Variants in ASAP1 observed in about 807,000 individuals in gnomAD.
ASAP1 encodes the protein arf-GAP with SH3 domain, ANK repeat and PH domain-containing protein 1.
A neutral mutation model predicts 145.2 loss-of-function variants in ASAP1; 43 were observed. The observed-to-expected ratio is 0.30, with a 90% confidence interval of 0.23 to 0.38. ASAP1 has a LOEUF of 0.38. Ranked by LOEUF, ASAP1 falls within the 10% of genes least tolerant of loss-of-function variation. The pLI is 1.00. For synonymous variants in ASAP1, 546 were observed against 515.5 expected (o/e 1.06, Z -0.80); for missense variants, 1,018 against 1,355.3 (o/e 0.75, Z 3.91).
At chr8:130,221,355 T>G (rs1237730015) in intron 4 of ASAP1, among the ~76,000 whole-genome samples, 1 of 152,176 alleles carries the variant, frequency 6.6e-6, no homozygotes, top group Admixed American at 6.5e-5. Context: ...AATCTCCCTT[T>G]GTGAAAGTGT....
At chr8:130,342,102 G>A (rs1241009834) in intron 3 of ASAP1, among the ~76,000 whole-genome samples, 2 of 152,078 alleles carry the variant, frequency 1.3e-5, no homozygotes, top group Non-Finnish European at 1.5e-5. Context: ...GGAAAGTGTC[G>A]GTCCTGAGCC....
chr8:130,330,586 C>T (rs557738639), intron 3 of ASAP1, among the ~76,000 whole-genome samples: 5 of 152,362 alleles, frequency 3.3e-5, no homozygotes, highest in African/African-American at 1.2e-4. Flanking sequence ...ATGGCAGAAT[C>T]ATGTTAAACT....
At chr8:130,075,262 C>T (rs1317213521) in intron 27 of ASAP1, among the ~76,000 whole-genome samples, 2 of 152,256 alleles carry the variant, frequency 1.3e-5, no homozygotes, top group East Asian at 1.9e-4. Flanking sequence ...CTCAGCAAAC[C>T]CAGGGGAAGT....
intron 3 of ASAP1, among the ~76,000 whole-genome samples, chr8:130,330,543 C>G (rs1450806917): frequency 6.6e-6 from 1 of 152,238 alleles, no homozygotes; most frequent in African/African-American, 2.4e-5. Flanking sequence ...CCTCAGTCAT[C>G]TACCAAAAAC....
intron 4 of ASAP1, among the ~76,000 whole-genome samples, chr8:130,228,813 A>AT (rs920756162): frequency 4.0e-5 from 6 of 151,454 alleles, no homozygotes; most frequent in Non-Finnish European, 5.9e-5. Flanking sequence ...AGTGGCTATT[A>AT]TTTTTTTTTC....
chr8:130,380,902 T>G (rs997060487), intron 2 of ASAP1, among the ~76,000 whole-genome samples: 11 of 152,018 alleles, frequency 7.2e-5, no homozygotes, highest in African/African-American at 2.4e-4. Flanking sequence ...ATTTATTTAT[T>G]GAGACAGGGT....
At chr8:130,257,839 C>T (rs1443506635) in intron 3 of ASAP1, among the ~76,000 whole-genome samples, 1 of 143,902 alleles carries the variant, frequency 6.9e-6, no homozygotes, top group Non-Finnish European at 1.5e-5. Context: ...AGTAGTTCTC[C>T]ATGTAACATG....
chr8:130,279,867 C>T (rs532219607), intron 3 of ASAP1, among the ~76,000 whole-genome samples: 19 of 152,292 alleles, frequency 1.2e-4, no homozygotes, highest in African/African-American at 4.6e-4. Flanking sequence ...TATTTACAAC[C>T]TTTTGCCTCT....
chr8:130,108,457 T>A (rs1280809899), intron 24 of ASAP1, among the ~76,000 whole-genome samples: 2 of 152,192 alleles, frequency 1.3e-5, no homozygotes, highest in Non-Finnish European at 2.9e-5. Flanking sequence ...ATCTTTGAGT[T>A]AAGATGCCTA....
chr8:130,213,627 C>T (rs964303188), intron 5 of ASAP1, among the ~76,000 whole-genome samples: 1 of 152,204 alleles, frequency 6.6e-6, no homozygotes, highest in Non-Finnish European at 1.5e-5. Flanking sequence ...GGAACAGCTC[C>T]TCTTCTCCAG....
chr8:130,197,776 G>C (rs935651754), intron 5 of ASAP1, among the ~76,000 whole-genome samples: 1 of 152,232 alleles, frequency 6.6e-6, no homozygotes, highest in Non-Finnish European at 1.5e-5. Context: ...CCTTGTCTAT[G>C]AGAAACGTCC....
chr8:130,070,793 A>G (rs960023179), intron 27 of ASAP1, among the ~76,000 whole-genome samples: 1 of 132,830 alleles, frequency 7.5e-6, no homozygotes, highest in African/African-American at 2.9e-5. Flanking sequence ...GAGGAACTCA[A>G]GGAGGAGATA....
intron 3 of ASAP1, among the ~76,000 whole-genome samples, chr8:130,314,610 T>C (rs182817540): frequency 6.6e-6 from 1 of 152,234 alleles, no homozygotes; most frequent in East Asian, 1.9e-4. Flanking sequence ...TACCAATGCC[T>C]GGGCAGGCTT....
chr8:130,408,221 C>G (rs1277685122), intron 1 of ASAP1, among the ~76,000 whole-genome samples: 1 of 152,114 alleles, frequency 6.6e-6, no homozygotes, highest in Admixed American at 6.5e-5. Context: ...TAAAGGATGC[C>G]CAGATAGCTG....
intron 15 of ASAP1, among the ~76,000 whole-genome samples, chr8:130,132,480 T>C (rs2097584715): frequency 4.6e-5 from 7 of 152,204 alleles, no homozygotes; most frequent in Admixed American, 4.6e-4. Context: ...ATAGAGTATT[T>C]ACAACCTTCC....
At chr8:130,438,696 C>T (rs1435659820) in intron 1 of ASAP1, among the ~76,000 whole-genome samples, 1 of 152,074 alleles carries the variant, frequency 6.6e-6, no homozygotes, top group African/African-American at 2.4e-5. Context: ...AACAATCGGG[C>T]CGACAGCTGA....
intron 29 of ASAP1, among the ~76,000 whole-genome samples, chr8:130,057,395 T>C (rs2097406522): frequency 6.6e-6 from 1 of 152,220 alleles, no homozygotes; most frequent in Non-Finnish European, 1.5e-5. Flanking sequence ...CATGATACCA[T>C]GGGTAAAGTA....
At chr8:130,218,518 G>T (rs931399529) in intron 4 of ASAP1, among the ~76,000 whole-genome samples, 1 of 152,006 alleles carries the variant, frequency 6.6e-6, no homozygotes, top group African/African-American at 2.4e-5. Flanking sequence ...TCATGCAAAG[G>T]TTAGAAAGAA....
chr8:130,343,724 GTCC>G (rs574089514), intron 3 of ASAP1, among the ~76,000 whole-genome samples: 95 of 152,282 alleles, frequency 6.2e-4, no homozygotes, highest in South Asian at 3.1e-3. Context: ...TGAACAACAG[GTCC>G]TCCCTTTGGT....
Sources: gnomAD v4.1 joint callset for allele counts (sites outside exome capture counted in the v4.1 genomes callset) on GRCh38, gnomAD v4.1.1 for gene constraint, MANE v1.5 for transcripts, NCBI Gene and HGNC (gene_info 2026-07-23, HGNC 2026-07-21) for gene names.